The following GALNT13 variants were observed in gnomAD, a reference collection of about 807,000 sequenced individuals.
The protein encoded by GALNT13 is polypeptide N-acetylgalactosaminyltransferase 13.
In GALNT13, 28 loss-of-function variants were observed where a neutral mutation model predicts 64.2. The observed-to-expected ratio is 0.44, with a 90% CI of 0.32 to 0.60. GALNT13 has a LOEUF of 0.60. Among genes scored for constraint, GALNT13 ranks in the 20% least tolerant of loss-of-function variants. The probability of loss-of-function intolerance (pLI) is 0.05; values close to 1 mark genes in which losing one functional copy is unlikely to be tolerated. For missense variants in GALNT13, 577 were observed against 669.8 expected (o/e 0.86, Z 1.53); for synonymous variants, 214 against 224.6 (o/e 0.95, Z 0.42).
the GALNT13 span, among the ~76,000 whole-genome samples, chr2:153,414,380 T>TA: frequency 2.2e-5 from 3 of 138,356 alleles, no homozygotes; most frequent in Non-Finnish European, 4.7e-5. Flanking sequence ...GTCACAAAAA[T>TA]AAAAATAAAA....
the GALNT13 span, among the ~76,000 whole-genome samples, chr2:153,461,857 C>T: frequency 3.9e-5 from 6 of 152,028 alleles, no homozygotes; most frequent in African/African-American, 1.2e-4. Context: ...TTTGTGAGCT[C>T]CTAACTATAG....
chr2:154,366,887 CA>C (rs560985149), intron 9 of GALNT13, among the ~76,000 whole-genome samples: 141 of 152,082 alleles, frequency 9.3e-4, no homozygotes, highest in Middle Eastern at 3.4e-3. Flanking sequence ...ACAGGGACTC[CA>C]ACAAACTGTG....
the GALNT13 span, among the ~76,000 whole-genome samples, chr2:153,640,248 A>G: frequency 6.6e-6 from 1 of 152,142 alleles, no homozygotes; most frequent in South Asian, 2.1e-4. Context: ...GGCTCCTTCC[A>G]AAGGAAACCT....
chr2:154,358,446 T>G (rs1696872819), intron 9 of GALNT13, among the ~76,000 whole-genome samples: 1 of 152,070 alleles, frequency 6.6e-6, no homozygotes, highest in Admixed American at 6.6e-5. Context: ...TATATGCATT[T>G]ATAGAATATA....
At chr2:153,712,356 T>A in the GALNT13 span, among the ~76,000 whole-genome samples, 1 of 152,224 alleles carries the variant, frequency 6.6e-6, no homozygotes, top group East Asian at 1.9e-4. Flanking sequence ...ACATTATATA[T>A]ATTTTTTGTC....
At chr2:154,095,583 G>A (rs1249245039) in intron 3 of GALNT13, among the ~76,000 whole-genome samples, 1 of 151,776 alleles carries the variant, frequency 6.6e-6, no homozygotes, top group Non-Finnish European at 1.5e-5. Flanking sequence ...TATGCTTAAT[G>A]CCTATGGTTT....
chr2:154,197,865 G>T (rs183715713), intron 4 of GALNT13, among the ~76,000 whole-genome samples: 1 of 151,484 alleles, frequency 6.6e-6, no homozygotes, highest in Admixed American at 6.6e-5. Flanking sequence ...TAGTATAAAA[G>T]TATCTAGATA....
chr2:153,950,693 T>A (rs1692110541), intron 3 of GALNT13, among the ~76,000 whole-genome samples: 1 of 152,092 alleles, frequency 6.6e-6, no homozygotes, highest in Non-Finnish European at 1.5e-5. Context: ...TGTTGGTATA[T>A]CAATACAAGG....
At chr2:154,340,921 T>TGC (rs1491031339) in intron 9 of GALNT13, among the ~76,000 whole-genome samples, 95 of 147,198 alleles carry the variant, frequency 6.5e-4, no homozygotes, top group African/African-American at 2.1e-3. Context: ...TGTGTGTGTG[T>TGC]GCCAGTGCGC....
chr2:154,221,919 A>G (rs1688347739), intron 4 of GALNT13, among the ~76,000 whole-genome samples: 1 of 152,098 alleles, frequency 6.6e-6, no homozygotes, highest in African/African-American at 2.4e-5. Flanking sequence ...GTAATTCTCA[A>G]AGAGAAATGG....
At chr2:153,778,621 ATAATG>A in the GALNT13 span, among the ~76,000 whole-genome samples, 2 of 152,232 alleles carry the variant, frequency 1.3e-5, no homozygotes, top group African/African-American at 4.8e-5. Context: ...CTTATGACTC[ATAATG>A]GAAGACACTT....
chr2:153,073,269 G>T, the GALNT13 span, among the ~76,000 whole-genome samples: 12 of 151,834 alleles, frequency 7.9e-5, no homozygotes, highest in East Asian at 1.9e-3. Context: ...GGTTTTCATT[G>T]CATCTAGCAG....
chr2:154,204,947 G>T (rs1377772641), intron 4 of GALNT13, among the ~76,000 whole-genome samples: 1 of 152,148 alleles, frequency 6.6e-6, no homozygotes, highest in African/African-American at 2.4e-5. Flanking sequence ...TATATGCTGT[G>T]TTAGCCCTGA....
intron 2 of GALNT13, among the ~76,000 whole-genome samples, chr2:153,924,173 G>A (rs1453151794): frequency 6.6e-6 from 1 of 152,018 alleles, no homozygotes; most frequent in African/African-American, 2.4e-5. Flanking sequence ...ATTAAGCCGA[G>A]CATCCATTAG....
the GALNT13 span, among the ~76,000 whole-genome samples, chr2:153,199,080 C>T: frequency 2.0e-5 from 3 of 152,166 alleles, no homozygotes; most frequent in Non-Finnish European, 4.4e-5. Flanking sequence ...ATAGTGTTGA[C>T]CAGAAGCCCA....
At chr2:153,104,928 C>T in the GALNT13 span, among the ~76,000 whole-genome samples, 1 of 151,716 alleles carries the variant, frequency 6.6e-6, no homozygotes, top group East Asian at 1.9e-4. Flanking sequence ...GGTACATGTG[C>T]ACAATGTGCA....
intron 9 of GALNT13, among the ~76,000 whole-genome samples, chr2:154,374,293 A>G (rs1013390419): frequency 5.3e-5 from 8 of 152,206 alleles, no homozygotes; most frequent in African/African-American, 1.9e-4. Context: ...ATACTTATTA[A>G]TCTGGAGAAG....
At chr2:154,342,861 G>T (rs925004947) in intron 9 of GALNT13, among the ~76,000 whole-genome samples, 2 of 151,568 alleles carry the variant, frequency 1.3e-5, no homozygotes, top group African/African-American at 4.8e-5. Flanking sequence ...AGATTTCTTA[G>T]GGTATTTAAG....
At chr2:153,541,803 A>G in the GALNT13 span, among the ~76,000 whole-genome samples, 23 of 152,342 alleles carry the variant, frequency 1.5e-4, no homozygotes, top group East Asian at 4.4e-3. Flanking sequence ...ACAGTTGCCC[A>G]TAGTTTGTTG....
Sources: gnomAD v4.1 joint callset for allele counts (sites outside exome capture counted in the v4.1 genomes callset) on GRCh38, gnomAD v4.1.1 for gene constraint, MANE v1.5 for transcripts, NCBI Gene and HGNC (gene_info 2026-07-23, HGNC 2026-07-21) for gene names.